The following FRMD4A variants were observed in gnomAD, a reference collection of about 807,000 sequenced individuals.
FRMD4A encodes FERM domain-containing protein 4A.
A neutral mutation model predicts 129.1 loss-of-function variants in FRMD4A; 29 were observed. The ratio of observed to expected loss-of-function variants is 0.22; its 90% CI spans 0.17 to 0.31. The LOEUF (loss-of-function observed/expected upper bound fraction) is 0.31, where lower values mean the gene tolerates loss of function less well. FRMD4A is among the 10% of genes least tolerant of loss of function. The probability of loss-of-function intolerance (pLI) is 1.00; values close to 1 mark genes in which losing one functional copy is unlikely to be tolerated. For synonymous variants in FRMD4A, 634 were observed against 571.6 expected (o/e 1.11, Z -1.56); for missense variants, 1,272 against 1,375.8 (o/e 0.92, Z 1.19).
chr10:13,777,791 A>ATTTTTTTTT (rs34059772), intron 6 of FRMD4A, among the ~76,000 whole-genome samples: 2 of 85,986 alleles, frequency 2.3e-5, no homozygotes, highest in Non-Finnish European at 4.2e-5. Flanking sequence ...CTTTGGGTCA[A>ATTTTTTTTT]TTTTTTTTTT....
intron 6 of FRMD4A, among the ~76,000 whole-genome samples, chr10:13,782,125 T>C (rs2092752496): frequency 6.9e-6 from 1 of 145,808 alleles, no homozygotes; most frequent in Admixed American, 6.9e-5. Flanking sequence ...ATAGTAAATG[T>C]ATGTGCATTT....
intron 2 of FRMD4A, among the ~76,000 whole-genome samples, chr10:13,989,765 G>A (rs1047771731): frequency 6.6e-6 from 1 of 152,222 alleles, no homozygotes; most frequent in African/African-American, 2.4e-5. Flanking sequence ...AGAGATGGGA[G>A]TGGCCCTATA....
At chr10:14,195,121 T>C (rs1842435457) in intron 2 of FRMD4A, among the ~76,000 whole-genome samples, 2 of 152,230 alleles carry the variant, frequency 1.3e-5, no homozygotes, top group African/African-American at 4.8e-5. Context: ...TAGTAGATGC[T>C]ATTTCTTTCT....
At chr10:14,063,404 T>C (rs568256093) in intron 2 of FRMD4A, among the ~76,000 whole-genome samples, 3 of 152,204 alleles carry the variant, frequency 2.0e-5, no homozygotes, top group Non-Finnish European at 2.9e-5. Flanking sequence ...ACATTTATTA[T>C]GTTATTGTTC....
intron 3 of FRMD4A, among the ~76,000 whole-genome samples, chr10:13,841,975 G>C (rs750008107): frequency 3.3e-5 from 5 of 152,136 alleles, no homozygotes; most frequent in Non-Finnish European, 7.3e-5. Flanking sequence ...GTTAGTGCCA[G>C]AATTGCACCG....
chr10:13,742,488 T>C (rs772382938), intron 9 of FRMD4A, among the ~76,000 whole-genome samples: 2 of 152,190 alleles, frequency 1.3e-5, no homozygotes, highest in Non-Finnish European at 2.9e-5. Context: ...ATTCTAGGGG[T>C]GTACCCTCGA....
chr10:14,078,071 A>G (rs528561752), intron 2 of FRMD4A, among the ~76,000 whole-genome samples: 1 of 152,342 alleles, frequency 6.6e-6, no homozygotes, highest in Non-Finnish European at 1.5e-5. Flanking sequence ...TTCAATAATT[A>G]ATGACCCTGT....
chr10:13,777,844 G>T (rs1167786318), intron 6 of FRMD4A, among the ~76,000 whole-genome samples: 3 of 142,478 alleles, frequency 2.1e-5, no homozygotes, highest in African/African-American at 7.9e-5. Flanking sequence ...TGGCACCCAG[G>T]CTGGAGTGCA....
chr10:14,199,287 TTTA>T (rs1842562760), intron 2 of FRMD4A, among the ~76,000 whole-genome samples: 1 of 3,622 alleles, frequency 2.8e-4, no homozygotes, highest in Non-Finnish European at 2.3e-3. Flanking sequence ...TCTTATTTTA[TTTA>T]TTTATTTATT....
intron 2 of FRMD4A, among the ~76,000 whole-genome samples, chr10:14,132,670 G>A (rs369332865): frequency 3.0e-4 from 45 of 152,312 alleles, no homozygotes; most frequent in African/African-American, 1.1e-3. Flanking sequence ...GATGTTGGGA[G>A]TTTTATTTGC....
intron 2 of FRMD4A, among the ~76,000 whole-genome samples, chr10:14,289,917 G>T (rs1845799237): frequency 6.6e-6 from 1 of 151,720 alleles, no homozygotes; most frequent in Non-Finnish European, 1.5e-5. Flanking sequence ...AAAGTTGCAA[G>T]ACACAAGTCA....
At chr10:14,115,853 G>A in intron 2 of FRMD4A, among the ~76,000 whole-genome samples, 1 of 152,160 alleles carries the variant, frequency 6.6e-6, no homozygotes, top group East Asian at 1.9e-4. Flanking sequence ...AAATTACCCA[G>A]CCTCAGGTAT....
At chr10:14,210,663 A>G (rs1842910145) in intron 2 of FRMD4A, among the ~76,000 whole-genome samples, 1 of 152,194 alleles carries the variant, frequency 6.6e-6, no homozygotes, top group Admixed American at 6.5e-5. Flanking sequence ...AGTCGTAAGC[A>G]TCTCCAATAG....
chr10:14,218,199 T>A (rs1185687955), intron 2 of FRMD4A, among the ~76,000 whole-genome samples: 1 of 152,236 alleles, frequency 6.6e-6, no homozygotes, highest in South Asian at 2.1e-4. Flanking sequence ...TCTGTTTGTT[T>A]AAATTGGTAT....
intron 2 of FRMD4A, among the ~76,000 whole-genome samples, chr10:14,060,283 T>G (rs1834745394): frequency 6.6e-6 from 1 of 152,220 alleles, no homozygotes; most frequent in Non-Finnish European, 1.5e-5. Flanking sequence ...CAGATTGGAT[T>G]CTCATGGTCC....
intron 2 of FRMD4A, among the ~76,000 whole-genome samples, chr10:14,020,041 A>T (rs1832667496): frequency 6.6e-6 from 1 of 152,192 alleles, no homozygotes; most frequent in Non-Finnish European, 1.5e-5. Flanking sequence ...AGACAAAACG[A>T]AACAGGACAA....
At chr10:14,287,660 C>G (rs1334014462) in intron 2 of FRMD4A, among the ~76,000 whole-genome samples, 1 of 152,098 alleles carries the variant, frequency 6.6e-6, no homozygotes, top group Non-Finnish European at 1.5e-5. Flanking sequence ...AAATATTTCT[C>G]TTTTCACTAG....
intron 2 of FRMD4A, among the ~76,000 whole-genome samples, chr10:14,317,925 A>G (rs572067336): frequency 3.7e-4 from 57 of 152,272 alleles, no homozygotes; most frequent in Non-Finnish European, 6.5e-4. Context: ...AGAAAATTCA[A>G]AGTATATAAA....
intron 2 of FRMD4A, among the ~76,000 whole-genome samples, chr10:13,949,393 C>T (rs541721748): frequency 1.7e-4 from 26 of 150,784 alleles, no homozygotes; most frequent in Non-Finnish European, 2.1e-4. Flanking sequence ...TTTTCAAGTA[C>T]AGCTTTGATT....
Sources: allele counts gnomAD v4.1 joint callset (sites outside exome capture counted in the v4.1 genomes callset), GRCh38; gene constraint gnomAD v4.1.1; transcripts MANE v1.5; gene names NCBI Gene and HGNC (gene_info 2026-07-23, HGNC 2026-07-21).